Variants in ATRNL1 observed in about 807,000 individuals in gnomAD.
ATRNL1 encodes the protein attractin like 1.
ATRNL1 carries 95 observed loss-of-function variants against 182.7 expected under a neutral mutation model. The observed-to-expected ratio is 0.52, with a 90% CI of 0.44 to 0.62. The LOEUF is 0.62. ATRNL1 is among the 20% of genes least tolerant of loss of function. ATRNL1 has a pLI of 0.00. For synonymous variants in ATRNL1, 576 were observed against 568.3 expected, an observed-to-expected ratio of 1.01 and a Z score of -0.19; for missense variants, 1,471 against 1,679.5, an observed-to-expected ratio of 0.88 and a Z score of 2.17.
chr10:115,425,523 GAAAAA>G, intron 20 of ATRNL1, among the ~76,000 whole-genome samples: 1 of 152,010 alleles, frequency 6.6e-6, no homozygotes, highest in East Asian at 1.9e-4. Flanking sequence ...TTGTGAACTT[GAAAAA>G]TTTTGAAAAT....
chr10:115,565,817 A>G (rs1243957334), intron 26 of ATRNL1, among the ~76,000 whole-genome samples: 3 of 152,116 alleles, frequency 2.0e-5, no homozygotes, highest in African/African-American at 7.2e-5. Context: ...AAATTTTTCT[A>G]CTAGTATAAA....
chr10:115,703,186 C>A (rs1555052085), intron 26 of ATRNL1, among the ~76,000 whole-genome samples: 1 of 151,910 alleles, frequency 6.6e-6, no homozygotes, highest in African/African-American at 2.4e-5. Flanking sequence ...ATAAATGGTG[C>A]TGGCATAGCT....
intron 26 of ATRNL1, among the ~76,000 whole-genome samples, chr10:115,584,431 G>T (rs1428822842): frequency 7.1e-6 from 1 of 141,618 alleles, no homozygotes; most frequent in Non-Finnish European, 1.6e-5. Flanking sequence ...TTCAGATGGT[G>T]TTATTGGTCT....
At chr10:115,227,250 A>G (rs540941116) in intron 9 of ATRNL1, among the ~76,000 whole-genome samples, 42 of 152,210 alleles carry the variant, frequency 2.8e-4, no homozygotes, top group African/African-American at 9.9e-4. Context: ...CCATTAAAAA[A>G]TGGGCAAAGG....
At chr10:115,679,934 A>G (rs1230744174) in intron 26 of ATRNL1, among the ~76,000 whole-genome samples, 1 of 151,794 alleles carries the variant, frequency 6.6e-6, no homozygotes, top group East Asian at 1.9e-4. Context: ...CTAATATTCT[A>G]TTTTCCATTA....
At chr10:115,371,320 G>A (rs1319343994) in intron 19 of ATRNL1, among the ~76,000 whole-genome samples, 1 of 148,234 alleles carries the variant, frequency 6.7e-6, no homozygotes, top group Non-Finnish European at 1.5e-5. Flanking sequence ...CCCCAGAATG[G>A]TAGATTCACC....
At chr10:115,313,395 C>T (rs1018593466) in intron 17 of ATRNL1, among the ~76,000 whole-genome samples, 1 of 151,998 alleles carries the variant, frequency 6.6e-6, no homozygotes, top group African/African-American at 2.4e-5. Flanking sequence ...CATGAAGGCT[C>T]TGTATGAGTT....
intron 10 of ATRNL1, among the ~76,000 whole-genome samples, chr10:115,253,866 A>G (rs1358505061): frequency 1.3e-5 from 2 of 152,004 alleles, no homozygotes; most frequent in African/African-American, 4.8e-5. Context: ...GTTCCCACCT[A>G]TGAGTGAGAA....
At chr10:115,799,128 C>A (rs757263103) in intron 27 of ATRNL1, among the ~76,000 whole-genome samples, 1 of 152,082 alleles carries the variant, frequency 6.6e-6, no homozygotes, top group Admixed American at 6.6e-5. Flanking sequence ...AATAAGCTTT[C>A]TTTACGTCGG....
chr10:115,278,920 G>A (rs1186793298), intron 13 of ATRNL1, among the ~76,000 whole-genome samples: 3 of 151,826 alleles, frequency 2.0e-5, no homozygotes, highest in African/African-American at 7.3e-5. Flanking sequence ...GACTTGAGAG[G>A]GGCCGGGCAC....
intron 13 of ATRNL1, among the ~76,000 whole-genome samples, chr10:115,277,174 A>T (rs1445456332): frequency 2.0e-5 from 3 of 152,064 alleles, no homozygotes; most frequent in Non-Finnish European, 4.4e-5. Flanking sequence ...ATCAGAACAA[A>T]TAACAATAAG....
At chr10:115,241,827 G>C in intron 10 of ATRNL1, 102 bp downstream of exon 10, 1 of 936,036 alleles carries the variant, frequency 1.1e-6, no homozygotes, top group Non-Finnish European at 1.6e-6. Context: ...TGTCATTTTA[G>C]AGTTAAGTGA....
chr10:115,357,979 T>C (rs1856575418), intron 19 of ATRNL1, among the ~76,000 whole-genome samples: 2 of 151,658 alleles, frequency 1.3e-5, no homozygotes, highest in African/African-American at 4.8e-5. Context: ...ATCTTTTCCC[T>C]CTGCCAGTAT....
chr10:115,371,805 TAGGGGCC>T (rs1298405031), intron 19 of ATRNL1, among the ~76,000 whole-genome samples: 5 of 152,120 alleles, frequency 3.3e-5, no homozygotes, highest in African/African-American at 1.2e-4. Context: ...TTTGATTTGG[TAGGGGCC>T]AGGGGCAGAA....
intron 25 of ATRNL1, among the ~76,000 whole-genome samples, chr10:115,536,521 T>G (rs1304280939): frequency 6.6e-6 from 1 of 152,214 alleles, no homozygotes; most frequent in African/African-American, 2.4e-5. Context: ...TGTCACCCCT[T>G]TCTTTGACTA....
chr10:115,201,737 C>A (rs1157529374), intron 8 of ATRNL1, among the ~76,000 whole-genome samples: 1 of 151,890 alleles, frequency 6.6e-6, no homozygotes, highest in African/African-American at 2.4e-5. Context: ...TCCATATGAA[C>A]TTTAAAGTAG....
chr10:115,391,697 A>T (rs595931), intron 19 of ATRNL1, among the ~76,000 whole-genome samples: 57,687 of 151,404 alleles, frequency 0.38, 12,161 homozygotes, highest in African/African-American at 0.57. Context: ...GGAAGGTATT[A>T]TGATGCATGG....
chr10:115,440,213 C>T (rs2134443462), intron 21 of ATRNL1, among the ~76,000 whole-genome samples: 1 of 151,916 alleles, frequency 6.6e-6, no homozygotes, highest in East Asian at 1.9e-4. Context: ...TTCGGGCTTA[C>T]CTTGTACTTT....
chr10:115,540,636 T>C (rs1852299625), intron 25 of ATRNL1, among the ~76,000 whole-genome samples: 1 of 151,758 alleles, frequency 6.6e-6, no homozygotes, highest in Non-Finnish European at 1.5e-5. Context: ...AGCACACGCC[T>C]ATAATCCTAG....
Sources: allele counts gnomAD v4.1 joint callset (sites outside exome capture counted in the v4.1 genomes callset), GRCh38; gene constraint gnomAD v4.1.1; transcripts MANE v1.5; gene names NCBI Gene and HGNC (gene_info 2026-07-23, HGNC 2026-07-21).